Variants in UBE2M observed in about 807,000 individuals in gnomAD.
The protein encoded by UBE2M is ubiquitin conjugating enzyme E2 M, also known as NEDD8-conjugating enzyme Ubc12.
Under a neutral mutation model 23.5 loss-of-function variants are expected in UBE2M, and 2 were observed. The ratio of observed to expected loss-of-function variants is 0.09; its 90% confidence interval spans 0.03 to 0.27. The LOEUF is 0.27. Among genes scored for constraint, UBE2M ranks in the 10% least tolerant of loss-of-function variants. UBE2M has a pLI of 1.00. For synonymous variants in UBE2M, 97 were observed against 95.2 expected (o/e 1.02, Z -0.11); for missense variants, 103 against 232.9 (o/e 0.44, Z 3.63).
chr19:58,557,616 C>T (rs2053900739), intron 1 of UBE2M, among the ~76,000 whole-genome samples: 1 of 151,764 alleles, frequency 6.6e-6, no homozygotes, highest in Non-Finnish European at 1.5e-5. Context: ...TCAGACCCAG[C>T]TTTCCATGTG....
At chr19:58,557,214 G>A (rs2053897636) in intron 1 of UBE2M, 57 bp from the exon 2 acceptor site, 12 of 1,491,482 alleles carry the variant, frequency 8.0e-6, no homozygotes, top group African/African-American at 1.4e-5. Flanking sequence ...GAGAGAGAGA[G>A]AGGGAGCCAG....
rs1230016367 is a variant in UBE2M, at chr19:58,558,568, G to A, written c.-187C>T. 2 of 164,112 alleles carry A rather than the reference G, an allele frequency of 1.2e-5. No homozygotes were observed. Among genetic ancestry groups the A allele is most frequent in the Non-Finnish European group, 2.5e-5 (2 of 78,870 alleles). 10.2% of individuals were successfully genotyped at this position (164,112 alleles called of 1,614,324 possible). On this transcript the variant is annotated 5_prime_UTR_variant, in exon 1 of 6. Transcript: ENST00000253023. The surrounding 1 kb of genome is among the most constrained non-coding windows in gnomAD (Gnocchi z 4.7). ...CCGCGCCCACCGCGCGGCCCGCCTC[G>A]GCTCCCGTAGTCCGGCTCCGGCCTG...
chr19:58,557,197 AG>A, intron 1 of UBE2M, 40 bp from the exon 2 acceptor site: 1 of 1,589,770 alleles, frequency 6.3e-7, no homozygotes, highest in Non-Finnish European at 8.6e-7. Context: ...AGAAAGAGGG[AG>A]GGGAAGAGAG....
At position 58,556,444 on chromosome 19, in the gene UBE2M, G is replaced by T; in HGVS notation, c.348-65C>A. On this transcript the variant is annotated intron_variant, in intron 4 of 5. Coordinates refer to ENST00000253023, the MANE Select transcript of UBE2M (RefSeq NM_003969.4). The surrounding 1 kb of genome is among the most constrained non-coding windows in gnomAD (Gnocchi z 4.9). ...GGAGACTGCCACAGGCCCCTCTGGT[G>T]TTGGGCAGGTCAGATCCAGGGCATA... The T allele has an allele frequency of 6.4e-7, 1 of 1,550,622 alleles. No homozygotes were observed. The highest frequency in any genetic ancestry group is 8.9e-7 in the Non-Finnish European group (1 of 1,127,530).
chr19:58,555,990 C>G lies in UBE2M; in HGVS notation c.*99G>C, dbSNP rs954516774. 2.7e-5 allele frequency: 40 copies of G among 1,482,122 alleles called. No individual in the cohort carries two copies. Among genetic ancestry groups the G allele is most frequent in the Non-Finnish European group, 3.4e-5 (38 of 1,106,508 alleles). The allele number at this position is 1,482,122 out of a possible 1,614,324, so 91.8% of individuals were successfully genotyped here. On this transcript the variant is annotated 3_prime_UTR_variant, in exon 6 of 6. Coordinates refer to ENST00000253023, the MANE Select transcript of UBE2M (RefSeq NM_003969.4). ...GGCAAGGCCAAGGCAGGGGATTCCC[C>G]CACCGGCCGCCCCCCAAACCCCTAC...
rs2122658987 is a variant in UBE2M, at chr19:58,558,230, G to C, written c.109+43C>G. 6.4e-7 allele frequency: 1 copy of C among 1,551,590 alleles called. No homozygotes were observed. Among genetic ancestry groups the C allele is most frequent in the South Asian group, 1.1e-5 (1 of 87,018 alleles). ...CCCACATCACCCTGCCTCAGGCCCT[G>C]ACCTCCGACCTCCGGCTCCAACCCC... is the stretch of plus-strand genomic sequence containing the variant. On this transcript the variant is annotated intron_variant, in intron 1 of 5. Coordinates refer to ENST00000253023, the MANE Select transcript of UBE2M (RefSeq NM_003969.4). The surrounding 1 kb of genome is among the most constrained non-coding windows in gnomAD (Gnocchi z 4.7).
In UBE2M at chr19:58,558,435, C is replaced by G. The variant is rs1295098170; in HGVS notation, c.-54G>C. The G allele has an allele frequency of 2.1e-6, 2 of 948,958 alleles. No homozygotes were observed. Among genetic ancestry groups the G allele is most frequent in the African/African-American group, 3.6e-5 (2 of 55,956 alleles). The allele number at this position is 948,958 out of a possible 1,614,324, so 58.8% of individuals were successfully genotyped here. A position where few individuals can be genotyped will look rare whatever the true frequency, so the allele number is the denominator to read the frequency against. On this transcript the variant is annotated 5_prime_UTR_variant, in exon 1 of 6. Transcript: ENST00000253023. The surrounding 1 kb of genome is among the most constrained non-coding windows in gnomAD (Gnocchi z 4.7). The stretch of plus-strand genomic sequence containing the variant: ...CCGCGGGGCCCGGGACCCCGGCCAC[C>G]CGGCCCCCCGCCGCCGCCCGCGTCG...
Position 58,556,254 on chromosome 19 carries a change from G to T in UBE2M, c.412-25C>A, listed in dbSNP as rs761265970. 1 of 1,613,914 alleles carries T rather than the reference G, an allele frequency of 6.2e-7. No individual in the cohort carries two copies. Among genetic ancestry groups the T allele is most frequent in the Admixed American group, 1.7e-5 (1 of 60,020 alleles). On this transcript the variant is annotated intron_variant, in intron 5 of 5. Coordinates refer to ENST00000253023, the MANE Select transcript of UBE2M (RefSeq NM_003969.4). This position sits in a 1 kb window ranked among gnomAD's most constrained non-coding sequence, Gnocchi z 4.9. ...CCTGTGGCCAGTACAGGTAGGGGGG[G>T]TCAACAGGCCAGAGGGACAGAAGGC...
At position 58,558,528 on chromosome 19, in the gene UBE2M, C is replaced by T. The variant is rs986355097; in HGVS notation, c.-147G>A. On this transcript the variant is annotated 5_prime_UTR_variant, in exon 1 of 6. Coordinates refer to ENST00000253023, the MANE Select transcript of UBE2M (RefSeq NM_003969.4). The surrounding 1 kb of genome is among the most constrained non-coding windows in gnomAD (Gnocchi z 4.7). ...GCCGCCACCCGCCCGGCCTGCCGCG[C>T]CGCTCCGCTCCTCTCCGCGCCCACC... 23 of 224,948 alleles carry T rather than the reference C, an allele frequency of 1.0e-4. No homozygotes were observed. Among genetic ancestry groups the T allele is most frequent in the Non-Finnish European group, 1.4e-4 (19 of 135,004 alleles). The allele number at this position is 224,948 out of a possible 1,614,324, so 13.9% of individuals were successfully genotyped here. A position where few individuals can be genotyped will look rare whatever the true frequency, so the allele number is the denominator to read the frequency against.
In UBE2M at chr19:58,556,435, C is replaced by T; in HGVS notation, c.348-56G>A. 6.3e-7 allele frequency: 1 copy of T among 1,581,670 alleles called. No individual in the cohort carries two copies. Among genetic ancestry groups the T allele is most frequent in the Admixed American group, 1.7e-5 (1 of 59,380 alleles). On this transcript the variant is annotated intron_variant, in intron 4 of 5. Transcript: ENST00000253023. The surrounding 1 kb of genome is among the most constrained non-coding windows in gnomAD (Gnocchi z 4.9). ...TGGTGAGTGGGAGACTGCCACAGGC[C>T]CCTCTGGTGTTGGGCAGGTCAGATC... is the stretch of plus-strand genomic sequence containing the variant.
rs960615448 is a variant in UBE2M at position 58,558,243 on chromosome 19, C to G, written c.109+30G>C. 6.3e-7 allele frequency: 1 copy of G among 1,587,846 alleles called. No individual in the cohort carries two copies. The highest frequency in any genetic ancestry group is 8.6e-7 in the Non-Finnish European group (1 of 1,165,154). Reference sequence around the variant, plus strand: ...GCCTCAGGCCCTGACCTCCGACCTCCGGCTCCAACCCCATCCCCTGACCCC... The same window carrying G: ...GCCTCAGGCCCTGACCTCCGACCTCGGGCTCCAACCCCATCCCCTGACCCC... On this transcript the variant is annotated intron_variant, in intron 1 of 5. Coordinates refer to ENST00000253023, the MANE Select transcript of UBE2M (RefSeq NM_003969.4). The surrounding 1 kb of genome is among the most constrained non-coding windows in gnomAD (Gnocchi z 4.7).
In UBE2M at chr19:58,555,883, T is replaced by G; in HGVS notation, c.*206A>C. ...AGCCAATTCATTTCCCATCGCTGAG[T>G]GGGTCGGGGGAGGCAGCGCCGACCT... is the stretch of plus-strand genomic sequence containing the variant. On this transcript the variant is annotated 3_prime_UTR_variant, in exon 6 of 6. Coordinates refer to ENST00000253023, the MANE Select transcript of UBE2M (RefSeq NM_003969.4). 1 of 632,800 alleles carries G rather than the reference T, an allele frequency of 1.6e-6. No individual in the cohort carries two copies. The highest frequency in any genetic ancestry group is 2.7e-6 in the Non-Finnish European group (1 of 373,514). 39.2% of individuals were successfully genotyped at this position (632,800 alleles called of 1,614,324 possible).
chr19:58,557,515 C>G (rs930325168), intron 1 of UBE2M, among the ~76,000 whole-genome samples: 2 of 152,004 alleles, frequency 1.3e-5, no homozygotes, highest in Non-Finnish European at 2.9e-5. Flanking sequence ...ATGACCTCCA[C>G]TCTACAGTAT....
At position 58,556,501 on chromosome 19, in the gene UBE2M, G is replaced by A. The variant is rs2053891556; in HGVS notation, c.348-122C>T. 1 of 1,197,490 alleles carries A rather than the reference G, an allele frequency of 8.4e-7. No individual in the cohort carries two copies. The highest frequency in any genetic ancestry group is 1.5e-5 in the African/African-American group (1 of 65,912). 74.2% of individuals were successfully genotyped at this position (1,197,490 alleles called of 1,614,324 possible). A position where few individuals can be genotyped will look rare whatever the true frequency, so the allele number is the denominator to read the frequency against. ...TGAGCATGTGAGAGGCTGGGAGGGA[G>A]GGTGTGGAGCAGGACAGGCCAAGGA... On this transcript the variant is annotated intron_variant, in intron 4 of 5. Coordinates refer to ENST00000253023, the MANE Select transcript of UBE2M (RefSeq NM_003969.4). This position sits in a 1 kb window ranked among gnomAD's most constrained non-coding sequence, Gnocchi z 4.9.
At position 58,556,442 on chromosome 19, in the gene UBE2M, G is replaced by A; in HGVS notation, c.348-63C>T. ...TGGGAGACTGCCACAGGCCCCTCTG[G>A]TGTTGGGCAGGTCAGATCCAGGGCA... is the stretch of plus-strand genomic sequence containing the variant. On this transcript the variant is annotated intron_variant, in intron 4 of 5. Transcript: ENST00000253023. The surrounding 1 kb of genome is among the most constrained non-coding windows in gnomAD (Gnocchi z 4.9). 6.4e-7 allele frequency: 1 copy of A among 1,556,842 alleles called. No individual in the cohort carries two copies. The highest frequency in any genetic ancestry group is 1.1e-5 in the South Asian group (1 of 89,410).
chr19:58,555,911 A>T lies in UBE2M; in HGVS notation c.*178T>A. 3.6e-6 allele frequency: 3 copies of T among 835,768 alleles called. No homozygotes were observed. The highest frequency in any genetic ancestry group is 5.4e-6 in the Non-Finnish European group (3 of 553,650). The allele number at this position is 835,768 out of a possible 1,614,324, so 51.8% of individuals were successfully genotyped here. A position where few individuals can be genotyped will look rare whatever the true frequency, so the allele number is the denominator to read the frequency against. On this transcript the variant is annotated 3_prime_UTR_variant, in exon 6 of 6. Coordinates refer to ENST00000253023, the MANE Select transcript of UBE2M (RefSeq NM_003969.4). ...GTCGGGGGAGGCAGCGCCGACCTTA[A>T]TCACATGGTGTTAAAAAAAAAAAAA...
rs1448861543 is a variant in UBE2M at position 58,556,049 on chromosome 19, C to T, written c.*40G>A. ...CCCAATAAATATTTGCAGGGGATGC[C>T]AGGGCTTGTGGCCGTGGCGGGGGTG... On this transcript the variant is annotated 3_prime_UTR_variant, in exon 6 of 6. Transcript: ENST00000253023. The surrounding 1 kb of genome is among the most constrained non-coding windows in gnomAD (Gnocchi z 4.9). The T allele has an allele frequency of 1.9e-6, 3 of 1,587,878 alleles. No homozygotes were observed. The highest frequency in any genetic ancestry group is 1.7e-6 in the Non-Finnish European group (2 of 1,161,374).
chr19:58,556,058 T>C lies in UBE2M; in HGVS notation c.*31A>G, dbSNP rs201496194. 28,265 of 1,589,906 alleles carry C rather than the reference T, an allele frequency of 0.018. 331 individuals carry two copies. The highest frequency in any genetic ancestry group is 0.02 in the Non-Finnish European group (23,653 of 1,162,760). On this transcript the variant is annotated 3_prime_UTR_variant, in exon 6 of 6. Transcript: ENST00000253023. The surrounding 1 kb of genome is among the most constrained non-coding windows in gnomAD (Gnocchi z 4.9). ...TATTTGCAGGGGATGCCAGGGCTTG[T>C]GGCCGTGGCGGGGGTGGGTATGCGC...
At chr19:58,557,225 C>A in intron 1 of UBE2M, 68 bp from the exon 2 acceptor site, 3 of 1,485,278 alleles carry the variant, frequency 2.0e-6, no homozygotes, top group South Asian at 1.1e-5. Flanking sequence ...AGGGAGCCAG[C>A]AGGACACTTA....
Sources: allele counts gnomAD v4.1 joint callset (sites outside exome capture counted in the v4.1 genomes callset), GRCh38; gene constraint gnomAD v4.1.1; non-coding constraint Gnocchi (gnomAD v3.1); transcripts MANE v1.5; gene names NCBI Gene and HGNC (gene_info 2026-07-23, HGNC 2026-07-21).